FUBP1: variants seen among roughly 807,000 people sequenced by gnomAD.
FUBP1 encodes the protein far upstream element binding protein 1, also known as far upstream element-binding protein 1.
FUBP1 carries 16 observed loss-of-function variants against 94.9 expected under a neutral mutation model. The ratio of observed to expected loss-of-function variants is 0.17; its 90% CI spans 0.11 to 0.26. The LOEUF is 0.26. Ranked by LOEUF, FUBP1 falls within the 10% of genes least tolerant of loss-of-function variation. The probability of loss-of-function intolerance (pLI) is 1.00; values close to 1 mark genes in which losing one functional copy is unlikely to be tolerated. For missense variants in FUBP1, 583 were observed against 808.6 expected, an observed-to-expected ratio of 0.72 and a Z score of 3.38; for synonymous variants, 279 against 254.9, an observed-to-expected ratio of 1.09 and a Z score of -0.90.
intron 2 of FUBP1, 75 bp downstream of exon 2, chr1:77,969,850 T>C: frequency 3.0e-6 from 2 of 663,820 alleles, no homozygotes; most frequent in South Asian, 2.3e-5. Flanking sequence ...CTCAATAAAA[T>C]AACAGAAAAA....
rs951526070 is a variant in FUBP1, at chr1:77,955,138, C to T, written c.1780+117G>A. The T allele has an allele frequency of 3.2e-5, 18 of 566,014 alleles. No individual in the cohort carries two copies. In the African/African-American group the frequency reaches 3.4e-4, roughly 11 times the overall value. The allele number at this position is 566,014 out of a possible 1,614,324, so 35.1% of individuals were successfully genotyped here. ...CCACAAATTTAAAAACTATAATTTA[C>T]AACTGTCTTGATATGTTTACAAGTC... is the stretch of plus-strand genomic sequence containing the variant. On this transcript the variant is annotated intron_variant, in intron 18 of 19. Coordinates refer to ENST00000370768, the MANE Select transcript of FUBP1 (RefSeq NM_003902.5).
chr1:77,966,962 A>AG lies in FUBP1; in HGVS notation c.344-8dup. ...TCACCTCCTCTGCCAATTACTAGTT[A>AG]GAAAAAAAAAAATTTTTTTTTTGGT... On this transcript the variant is annotated splice_polypyrimidine_tract_variant and splice_region_variant and intron_variant, in intron 5 of 19. Coordinates refer to ENST00000370768, the MANE Select transcript of FUBP1 (RefSeq NM_003902.5). 6.3e-7 allele frequency: 1 copy of AG among 1,583,700 alleles called. No homozygotes were observed. Among genetic ancestry groups the AG allele is most frequent in the Non-Finnish European group, 8.6e-7 (1 of 1,156,886 alleles).
chr1:77,974,324 G>A (rs1658195465), intron 1 of FUBP1, among the ~76,000 whole-genome samples: 1 of 151,986 alleles, frequency 6.6e-6, no homozygotes, highest in African/African-American at 2.4e-5. Context: ...AGTAGAGACG[G>A]GGTTTCACCG....
intron 17 of FUBP1, among the ~76,000 whole-genome samples, chr1:77,955,686 T>A (rs1262245468): frequency 6.6e-6 from 1 of 152,232 alleles, no homozygotes; most frequent in Non-Finnish European, 1.5e-5. Context: ...TGTGGTGATA[T>A]GAACATAGTT....
intron 18 of FUBP1, among the ~76,000 whole-genome samples, chr1:77,953,469 C>T (rs927724072): frequency 2.6e-5 from 4 of 152,060 alleles, no homozygotes; most frequent in African/African-American, 7.2e-5. Context: ...CCAGCCTGGG[C>T]GAGAGTGAGA....
intron 1 of FUBP1, among the ~76,000 whole-genome samples, chr1:77,971,758 C>T (rs537722340): frequency 2.7e-4 from 41 of 151,820 alleles, no homozygotes; most frequent in Middle Eastern, 3.4e-3. Flanking sequence ...CCTGTAATCC[C>T]AGCATTTTGG....
At chr1:77,959,133 T>G (rs1329482032) in intron 16 of FUBP1, among the ~76,000 whole-genome samples, 1 of 152,230 alleles carries the variant, frequency 6.6e-6, no homozygotes, top group Admixed American at 6.5e-5. Flanking sequence ...CAAGTTTTTT[T>G]GGGATAAATG....
At chr1:77,955,366 A>C in intron 17 of FUBP1, 37 bp from the exon 18 acceptor site, 1 of 1,324,592 alleles carries the variant, frequency 7.5e-7, no homozygotes, top group East Asian at 2.3e-5. Context: ...ACAGAATTAA[A>C]GTTTTTAAAA....
chr1:77,964,557 A>G, intron 10 of FUBP1, 89 bp downstream of exon 10: 1 of 795,172 alleles, frequency 1.3e-6, no homozygotes, highest in Non-Finnish European at 2.1e-6. Context: ...AAAGGATAAC[A>G]ATGTTAGAGC....
chr1:77,963,838 G>A (rs1265673816), intron 12 of FUBP1, 123 bp from the exon 13 acceptor site: 9 of 799,268 alleles, frequency 1.1e-5, no homozygotes, highest in African/African-American at 1.7e-5. Flanking sequence ...GAGATGAACT[G>A]GCCCTAATAA....
At chr1:77,973,573 A>G (rs1658004431) in intron 1 of FUBP1, among the ~76,000 whole-genome samples, 1 of 152,192 alleles carries the variant, frequency 6.6e-6, no homozygotes, top group East Asian at 1.9e-4. Context: ...TTTTACAAAA[A>G]TAATTCAAGC....
chr1:77,950,146 T>C (rs900454097), intron 18 of FUBP1, among the ~76,000 whole-genome samples: 16 of 152,138 alleles, frequency 1.1e-4, no homozygotes, highest in South Asian at 2.1e-4. Flanking sequence ...ATATAGTCTG[T>C]ATGTTTGTGA....
intron 7 of FUBP1, among the ~76,000 whole-genome samples, chr1:77,966,342 T>C (rs1314308044): frequency 2.6e-5 from 4 of 152,028 alleles, no homozygotes; most frequent in Admixed American, 2.6e-4. Flanking sequence ...GAAAAGTGAA[T>C]GGAACTAGGG....
chr1:77,969,229 T>C (rs1297755826), intron 2 of FUBP1: 2 of 258,198 alleles, frequency 7.7e-6, no homozygotes, highest in African/African-American at 2.3e-5. Flanking sequence ...AAGCTACAAA[T>C]ACATTCTATA....
chr1:77,956,384 C>T (rs895397968), intron 17 of FUBP1, among the ~76,000 whole-genome samples, 188 bp downstream of exon 17: 1 of 152,032 alleles, frequency 6.6e-6, no homozygotes, highest in Non-Finnish European at 1.5e-5. Context: ...TCTGGGTGCT[C>T]CGGGTATTCT....
intron 18 of FUBP1, among the ~76,000 whole-genome samples, chr1:77,952,954 A>G (rs1653769857): frequency 6.6e-6 from 1 of 151,790 alleles, no homozygotes; most frequent in Non-Finnish European, 1.5e-5. Flanking sequence ...CCTGGCCAAC[A>G]TGGTGAAACT....
At chr1:77,949,110 A>G (rs752601926) in intron 19 of FUBP1, 45 bp downstream of exon 19, 3 of 1,557,792 alleles carry the variant, frequency 1.9e-6, no homozygotes, top group East Asian at 2.2e-5. Context: ...AACATGCAGA[A>G]AACAGACTGG....
chr1:77,965,589 A>C (rs1002530286), intron 7 of FUBP1, among the ~76,000 whole-genome samples: 3 of 152,238 alleles, frequency 2.0e-5, no homozygotes, highest in African/African-American at 7.2e-5. Flanking sequence ...CATATGCTAC[A>C]ATTATTCATT....
intron 18 of FUBP1, among the ~76,000 whole-genome samples, chr1:77,952,238 C>CAAAAAAATAAAATAA (rs1015867224): frequency 3.3e-5 from 5 of 150,818 alleles, no homozygotes; most frequent in Admixed American, 1.3e-4. Context: ...GGCTCCATCT[C>CAAAAAAATAAAATAA]AAAAAAATAA....
Sources: allele counts gnomAD v4.1 joint callset (sites outside exome capture counted in the v4.1 genomes callset), GRCh38; gene constraint gnomAD v4.1.1; transcripts MANE v1.5; gene names NCBI Gene and HGNC (gene_info 2026-07-23, HGNC 2026-07-21).